Variants in AGBL1 observed in about 807,000 individuals in gnomAD.
AGBL1 encodes the protein cytosolic carboxypeptidase 4.
A neutral mutation model predicts 118.9 loss-of-function variants in AGBL1; 130 were observed. The ratio of observed to expected loss-of-function variants is 1.09; its 90% confidence interval spans 0.95 to 1.26. The LOEUF (loss-of-function observed/expected upper bound fraction) is 1.26. AGBL1 is among the 50% of genes most tolerant of loss of function. The probability of loss-of-function intolerance (pLI) is 0.00; values close to 1 mark genes in which losing one functional copy is unlikely to be tolerated. For synonymous variants in AGBL1, 555 were observed against 478.9 expected (o/e 1.16, Z -2.08); for missense variants, 1,584 against 1,298.1 (o/e 1.22, Z -3.38).
At chr15:86,145,453 G>A (rs971022677) in intron 3 of AGBL1, among the ~76,000 whole-genome samples, 2 of 152,192 alleles carry the variant, frequency 1.3e-5, no homozygotes, top group Non-Finnish European at 2.9e-5. Flanking sequence ...AGTCACAAGT[G>A]TTAAGTTCTA....
chr15:86,981,102 G>A (rs115764583), intron 23 of AGBL1, among the ~76,000 whole-genome samples: 2,148 of 152,068 alleles, frequency 0.014, 40 homozygotes, highest in African/African-American at 0.047. Context: ...GGTCAGACCC[G>A]TCTCAAACTC....
chr15:86,818,669 C>T (rs1460415972), intron 22 of AGBL1, among the ~76,000 whole-genome samples: 1 of 152,022 alleles, frequency 6.6e-6, no homozygotes, highest in African/African-American at 2.4e-5. Flanking sequence ...TGTGAATGAC[C>T]AAAGTGGATG....
intron 21 of AGBL1, among the ~76,000 whole-genome samples, chr15:86,558,558 A>G (rs1032393602): frequency 6.6e-6 from 1 of 152,204 alleles, no homozygotes; most frequent in Non-Finnish European, 1.5e-5. Flanking sequence ...TTCTGTATGC[A>G]AATCTCAGCA....
downstream of AGBL1, among the ~76,000 whole-genome samples, chr15:86,918,882 G>T (rs549375927): frequency 1.3e-5 from 2 of 152,334 alleles, no homozygotes; most frequent in East Asian, 1.9e-4. Flanking sequence ...TCTGGATTGG[G>T]ATCAGCAGGA....
chr15:86,507,316 T>C (rs1447486144), intron 18 of AGBL1, among the ~76,000 whole-genome samples: 1 of 152,154 alleles, frequency 6.6e-6, no homozygotes, highest in African/African-American at 2.4e-5. Flanking sequence ...AAACTGCAAC[T>C]ATTCTAAAAG....
intron 18 of AGBL1, among the ~76,000 whole-genome samples, chr15:86,514,379 C>T (rs2083092134): frequency 6.6e-6 from 1 of 152,040 alleles, no homozygotes; most frequent in Non-Finnish European, 1.5e-5. Flanking sequence ...CAGAATTGTG[C>T]ACTGCTATGA....
intron 24 of AGBL1, among the ~76,000 whole-genome samples, chr15:86,989,197 C>T (rs2081313765): frequency 6.6e-6 from 1 of 151,948 alleles, no homozygotes; most frequent in African/African-American, 2.4e-5. Context: ...GATAGGGTCT[C>T]ACTATGTTGC....
At chr15:87,012,173 C>G (rs11852511) in intron 24 of AGBL1, among the ~76,000 whole-genome samples, 15,593 of 146,222 alleles carry the variant, frequency 0.11, 1,614 homozygotes, top group African/African-American at 0.27. Context: ...TAGTACTTTT[C>G]TTTGTATATA....
intron 16 of AGBL1, among the ~76,000 whole-genome samples, chr15:86,292,669 A>G (rs2079566102): frequency 6.6e-6 from 1 of 152,136 alleles, no homozygotes. Flanking sequence ...CAGATATTTT[A>G]ATGTGGGGGC....
Position 86,397,557 on chromosome 15 carries a change from C to T in AGBL1, c.2555+11C>T, listed in dbSNP as rs1422636227. ...TGTCATCAACGGCAAGTATGTCAGG[C>T]ACCTGGCTCAGCCAAACCCACAATT... is the stretch of plus-strand genomic sequence containing the variant. On this transcript the variant is annotated intron_variant, in intron 18 of 22. Coordinates refer to ENST00000614907, the MANE Select transcript of AGBL1 (RefSeq NM_001386094.1). The T allele has an allele frequency of 6.9e-6, 11 of 1,594,260 alleles. No individual in the cohort carries two copies. The highest frequency in any genetic ancestry group is 4.5e-5 in the South Asian group (4 of 88,008).
rs8041478 is a variant in AGBL1, at chr15:86,613,615, G to T, written c.2994+59078G>T. 6.6e-6 allele frequency among the ~76,000 whole-genome samples: 1 copy of T among 152,138 alleles called. No individual in the cohort carries two copies. Among genetic ancestry groups the T allele is most frequent in the Non-Finnish European group, 1.5e-5 (1 of 68,016 alleles). ...TTTCAGATCACAGAAAGTAAGTCAC[G>T]AGTACTTACCAGCTACCTAAAGAAG... is the stretch of plus-strand genomic sequence containing the variant. On this transcript the variant is annotated intron_variant, in intron 21 of 22. Transcript: ENST00000614907. The surrounding 1 kb of genome is among the most constrained non-coding windows in gnomAD (Gnocchi z 4.2).
intron 23 of AGBL1, among the ~76,000 whole-genome samples, chr15:86,945,563 C>A (rs1186872793): frequency 6.6e-6 from 1 of 152,054 alleles, no homozygotes; most frequent in Non-Finnish European, 1.5e-5. Flanking sequence ...GTCCCAGCTA[C>A]TTGGGAGGCT....
intron 7 of AGBL1, among the ~76,000 whole-genome samples, chr15:86,253,752 A>G (rs1280016252): frequency 6.6e-6 from 1 of 152,230 alleles, no homozygotes; most frequent in African/African-American, 2.4e-5. Flanking sequence ...GTAGTAAAAT[A>G]CATGCAACCA....
At chr15:86,312,525 G>T (rs920410400) in intron 17 of AGBL1, 3 of 152,260 alleles carry the variant, frequency 2.0e-5, no homozygotes, top group African/African-American at 7.2e-5. Flanking sequence ...AAGCAACTGT[G>T]CGCATTGTTG....
At chr15:86,852,006 A>G (rs2079413740) in intron 22 of AGBL1, among the ~76,000 whole-genome samples, 1 of 152,186 alleles carries the variant, frequency 6.6e-6, no homozygotes, top group African/African-American at 2.4e-5. Flanking sequence ...CAGCTACTGC[A>G]GGGGAACTAC....
At chr15:86,263,710 G>A (rs955867432) in intron 10 of AGBL1, among the ~76,000 whole-genome samples, 1 of 152,184 alleles carries the variant, frequency 6.6e-6, no homozygotes, top group Non-Finnish European at 1.5e-5. Flanking sequence ...TGCTGCCACT[G>A]TTGCTGCCAT....
intron 17 of AGBL1, chr15:86,296,487 T>C (rs142986366): frequency 1.7e-3 from 266 of 152,292 alleles, no homozygotes; most frequent in Middle Eastern, 0.01. Context: ...CTGAGGAAGA[T>C]ACAGCCTTCC....
chr15:86,156,788 T>TTTC (rs2077197750), intron 4 of AGBL1, among the ~76,000 whole-genome samples: 1 of 131,248 alleles, frequency 7.6e-6, no homozygotes, highest in African/African-American at 2.9e-5. Context: ...CTTTTTTCTT[T>TTTC]TCTTTCTTTT....
intron 24 of AGBL1, among the ~76,000 whole-genome samples, chr15:86,990,371 C>T (rs2081325986): frequency 6.6e-6 from 1 of 152,038 alleles, no homozygotes; most frequent in Non-Finnish European, 1.5e-5. Flanking sequence ...AAAAATTAGC[C>T]ACGCGTGTGG....
Sources: allele counts gnomAD v4.1 joint callset (sites outside exome capture counted in the v4.1 genomes callset), GRCh38; gene constraint gnomAD v4.1.1; non-coding constraint Gnocchi (gnomAD v3.1); transcripts MANE v1.5; gene names NCBI Gene and HGNC (gene_info 2026-07-23, HGNC 2026-07-21).